The following NCOA3 variants were observed in gnomAD, a reference collection of about 807,000 sequenced individuals.
NCOA3 encodes the protein CBP-interacting protein.
NCOA3 carries 51 observed loss-of-function variants against 158.8 expected under a neutral mutation model. That is an observed-to-expected ratio of 0.32 (90% CI 0.26 to 0.41). The LOEUF is 0.41. Among genes scored for constraint, NCOA3 ranks in the 10% least tolerant of loss-of-function variants. The pLI is 1.00. For missense variants in NCOA3, 1,510 were observed against 1,746.6 expected (o/e 0.86, Z 2.41); for synonymous variants, 537 against 592.4 (o/e 0.91, Z 1.36).
At chr20:47,591,270 A>G (rs1469664458) in intron 2 of NCOA3, among the ~76,000 whole-genome samples, 7 of 152,222 alleles carry the variant, frequency 4.6e-5, no homozygotes, top group African/African-American at 1.7e-4. Context: ...TTAGATGTTT[A>G]AGATACCTAG....
At chr20:47,519,004 CG>C (rs2084281218) in intron 1 of NCOA3, among the ~76,000 whole-genome samples, 1 of 151,384 alleles carries the variant, frequency 6.6e-6, no homozygotes, top group African/African-American at 2.4e-5. Context: ...GGCGTGGTGA[CG>C]GGCACCTGTA....
At chr20:47,558,087 G>T in intron 1 of NCOA3, among the ~76,000 whole-genome samples, 1 of 144,230 alleles carries the variant, frequency 6.9e-6, no homozygotes. Flanking sequence ...GATGGAGTCT[G>T]TCTCTTGTTG....
At chr20:47,622,473 T>C (rs1200276868) in intron 3 of NCOA3, 143 bp downstream of exon 3, 1 of 510,870 alleles carries the variant, frequency 2.0e-6, no homozygotes, top group African/African-American at 2.0e-5. Flanking sequence ...ACTGATGAGA[T>C]GGACATCTTT....
chr20:47,539,489 G>A (rs558719015), intron 1 of NCOA3, among the ~76,000 whole-genome samples: 1 of 152,314 alleles, frequency 6.6e-6, no homozygotes, highest in South Asian at 2.1e-4. Flanking sequence ...AATAAATTTA[G>A]AGTAGCAGTA....
intron 1 of NCOA3, among the ~76,000 whole-genome samples, chr20:47,561,190 G>T (rs1451101500): frequency 6.6e-6 from 1 of 150,894 alleles, no homozygotes; most frequent in African/African-American, 2.4e-5. Context: ...GCCCAAGCTG[G>T]TCTCGAACTC....
chr20:47,653,392 C>G lies in NCOA3; in HGVS notation c.4264-14C>G. 7.9e-7 allele frequency: 1 copy of G among 1,260,454 alleles called. No individual in the cohort carries two copies. Among genetic ancestry groups the G allele is most frequent in the Non-Finnish European group, 1.1e-6 (1 of 946,154 alleles). The allele number at this position is 1,260,454 out of a possible 1,614,324, so 78.1% of individuals were successfully genotyped here. A position where few individuals can be genotyped will look rare whatever the true frequency, so the allele number is the denominator to read the frequency against. Reference sequence around the variant, plus strand: ...CATTTTTTTTTTTTTTTTTTTTTTCCTGGTTGCTGACAGAAATACTGCTGA... The same window carrying G: ...CATTTTTTTTTTTTTTTTTTTTTTCGTGGTTGCTGACAGAAATACTGCTGA... On this transcript the variant is annotated splice_polypyrimidine_tract_variant and intron_variant, in intron 22 of 22. Coordinates refer to ENST00000371998, the MANE Select transcript of NCOA3 (RefSeq NM_181659.3).
intron 1 of NCOA3, among the ~76,000 whole-genome samples, chr20:47,505,233 G>T (rs2084014056): frequency 6.6e-6 from 1 of 150,990 alleles, no homozygotes; most frequent in African/African-American, 2.4e-5. Flanking sequence ...GGCTATTTTT[G>T]TATTTTTAGT....
At chr20:47,652,686 T>C (rs1231190675) in intron 21 of NCOA3, 106 bp downstream of exon 21, 2 of 1,149,190 alleles carry the variant, frequency 1.7e-6, no homozygotes, top group African/African-American at 3.1e-5. Flanking sequence ...TTGAAAGGAC[T>C]GGGTTCATAT....
At chr20:47,531,616 G>C (rs181794894) in intron 1 of NCOA3, among the ~76,000 whole-genome samples, 48 of 152,260 alleles carry the variant, frequency 3.2e-4, no homozygotes, top group East Asian at 2.5e-3. Flanking sequence ...CCTTCCCTGT[G>C]ATCTGCTCCT....
chr20:47,636,236 G>A lies in NCOA3; in HGVS notation c.1850G>A (p.Gly617Asp), dbSNP rs1344608462. Reference sequence around the variant, plus strand: ...CAAAGGGGTCCTTTGGAAAGCAAAGGTCATAAAAAATTACTGCAGTTACTT... The same window carrying A: ...CAAAGGGGTCCTTTGGAAAGCAAAGATCATAAAAAATTACTGCAGTTACTT... ...ENQRGPLESK[G>D]HKKLLQLLTC... Residue 617 changes from glycine (G) to aspartate (D), a missense_variant, in exon 12 of 23, where the codon GGT becomes GAT. By Grantham distance (94) the Gly-to-Asp change is moderately conservative. Around this residue, in one of 4 missense-constraint regions of NCOA3, gnomAD observed 1,017 missense variants for 1,098.3 expected, o/e 0.93. Transcript: ENST00000371998. The A allele has an allele frequency of 4.3e-6, 7 of 1,614,032 alleles. No individual in the cohort carries two copies. Among genetic ancestry groups the A allele is most frequent in the Non-Finnish European group, 8.5e-7 (1 of 1,180,040 alleles).
chr20:47,511,550 T>TATATATATATATACACACAC, intron 1 of NCOA3, among the ~76,000 whole-genome samples: 16 of 52,270 alleles, frequency 3.1e-4, no homozygotes, highest in African/African-American at 7.5e-4. Flanking sequence ...TATATATATA[T>TATATATATATATACACACAC]ATATATTTCT....
At chr20:47,515,946 C>A (rs575875026) in intron 1 of NCOA3, among the ~76,000 whole-genome samples, 29 of 152,274 alleles carry the variant, frequency 1.9e-4, no homozygotes, top group Admixed American at 6.5e-4. Context: ...GGAAAGGCCA[C>A]ATACTGTGTG....
chr20:47,635,758 A>G (rs765103071), intron 11 of NCOA3, 45 bp downstream of exon 11: 7 of 1,546,124 alleles, frequency 4.5e-6, no homozygotes, highest in Non-Finnish European at 6.1e-6. Flanking sequence ...TTTTTAAGTA[A>G]TTATTCTTTC....
At position 47,646,957 on chromosome 20, in the gene NCOA3, G is replaced by GC. The variant is rs2086695110; in HGVS notation, c.3253-115dup. On this transcript the variant is annotated intron_variant, in intron 17 of 22. Transcript: ENST00000371998. Reference sequence around the variant, plus strand: ...AGAAGTGATGCCTGGCACATAACAAGCATTTACTTAAATACTTGTTGAATG... The same window carrying GC: ...AGAAGTGATGCCTGGCACATAACAAGCCATTTACTTAAATACTTGTTGAATG... 3.5e-6 allele frequency: 3 copies of GC among 853,254 alleles called. No individual in the cohort carries two copies. In the East Asian group the frequency reaches 7.8e-5, roughly 22 times the overall value. The allele number at this position is 853,254 out of a possible 1,614,324, so 52.9% of individuals were successfully genotyped here.
chr20:47,520,058 GGCC>G (rs1311761565), intron 1 of NCOA3, among the ~76,000 whole-genome samples: 3 of 101,894 alleles, frequency 2.9e-5, no homozygotes. Flanking sequence ...AACTGTGCCT[GGCC>G]AAAAAAAAAA....
At chr20:47,546,633 G>T (rs1037613630) in intron 1 of NCOA3, among the ~76,000 whole-genome samples, 13 of 151,288 alleles carry the variant, frequency 8.6e-5, no homozygotes, top group African/African-American at 3.2e-4. Flanking sequence ...CCGCATTCAA[G>T]TGATTCTTCT....
At chr20:47,579,480 A>T (rs1334167153) in intron 1 of NCOA3, among the ~76,000 whole-genome samples, 1 of 152,236 alleles carries the variant, frequency 6.6e-6, no homozygotes, top group Non-Finnish European at 1.5e-5. Flanking sequence ...AAAGAAAAAA[A>T]ATACTGTCCT....
chr20:47,505,124 C>T (rs867536238), intron 1 of NCOA3, among the ~76,000 whole-genome samples: 12 of 135,242 alleles, frequency 8.9e-5, no homozygotes, highest in African/African-American at 2.4e-4. Context: ...TGCAGCGGCG[C>T]GATCTTGGCT....
chr20:47,576,153 C>T (rs1209524656), intron 1 of NCOA3, among the ~76,000 whole-genome samples: 1 of 152,160 alleles, frequency 6.6e-6, no homozygotes, highest in Non-Finnish European at 1.5e-5. Flanking sequence ...GCTAAGAGCT[C>T]TGCCTGCATT....
Sources: allele counts gnomAD v4.1 joint callset (sites outside exome capture counted in the v4.1 genomes callset), GRCh38; gene constraint gnomAD v4.1.1; regional missense constraint gnomAD v4.1.1; transcripts MANE v1.5; gene names NCBI Gene and HGNC (gene_info 2026-07-23, HGNC 2026-07-21).